TBC1D5: variants seen among roughly 807,000 people sequenced by gnomAD.
TBC1D5 encodes the protein TBC1 domain family, member 5.
TBC1D5 carries 75 observed loss-of-function variants against 100.3 expected under a neutral mutation model. The ratio of observed to expected loss-of-function variants is 0.75; its 90% CI spans 0.62 to 0.91. The LOEUF (loss-of-function observed/expected upper bound fraction) is 0.91, where lower values mean the gene tolerates loss of function less well. Ranked by LOEUF, TBC1D5 falls within the 40% of genes least tolerant of loss-of-function variation. TBC1D5 has a pLI of 0.00. For synonymous variants in TBC1D5, 323 were observed against 325.6 expected (o/e 0.99, Z 0.09); for missense variants, 910 against 942.4 (o/e 0.97, Z 0.45).
At chr3:17,277,469 C>T (rs1160307649) in intron 15 of TBC1D5, among the ~76,000 whole-genome samples, 1 of 152,136 alleles carries the variant, frequency 6.6e-6, no homozygotes, top group East Asian at 1.9e-4. Flanking sequence ...CCCCATCAAT[C>T]TCGTTGGGCT....
chr3:17,523,583 C>A (rs1348157912), intron 2 of TBC1D5, among the ~76,000 whole-genome samples: 1 of 151,978 alleles, frequency 6.6e-6, no homozygotes, highest in East Asian at 1.9e-4. Flanking sequence ...CTGAAGCCAG[C>A]AAAATGGACA....
chr3:17,352,330 G>T (rs964371955), intron 13 of TBC1D5, among the ~76,000 whole-genome samples: 3 of 151,558 alleles, frequency 2.0e-5, no homozygotes, highest in Admixed American at 1.3e-4. Flanking sequence ...TTTTTCCTAG[G>T]TTGCATACAT....
At chr3:17,255,578 A>G (rs1055251458) in intron 16 of TBC1D5, among the ~76,000 whole-genome samples, 1 of 152,060 alleles carries the variant, frequency 6.6e-6, no homozygotes, top group African/African-American at 2.4e-5. Context: ...CATCCACTAC[A>G]AATATTTTCC....
intron 1 of TBC1D5, among the ~76,000 whole-genome samples, chr3:17,732,796 T>C (rs1051349782): frequency 2.0e-5 from 3 of 151,994 alleles, no homozygotes; most frequent in Non-Finnish European, 2.9e-5. Flanking sequence ...TTATGAAGTA[T>C]CTGTCTCTCC....
At chr3:17,446,970 C>CAA (rs559803528) in intron 3 of TBC1D5, among the ~76,000 whole-genome samples, 8 of 124,206 alleles carry the variant, frequency 6.4e-5, no homozygotes, top group East Asian at 4.8e-4. Context: ...GACTCCAACT[C>CAA]AAAAAAAAAA....
intron 3 of TBC1D5, among the ~76,000 whole-genome samples, chr3:17,498,214 TC>T (rs1450922315): frequency 6.6e-6 from 1 of 152,052 alleles, no homozygotes; most frequent in African/African-American, 2.4e-5. Context: ...TGAGATTCCT[TC>T]TTAGGAAATT....
At chr3:17,288,494 A>G (rs2081387645) in intron 15 of TBC1D5, among the ~76,000 whole-genome samples, 1 of 151,806 alleles carries the variant, frequency 6.6e-6, no homozygotes, top group Non-Finnish European at 1.5e-5. Context: ...CCCACCCTTC[A>G]CCTATTTTAC....
At chr3:17,190,568 T>C (rs1401241923) in intron 18 of TBC1D5, among the ~76,000 whole-genome samples, 1 of 152,186 alleles carries the variant, frequency 6.6e-6, no homozygotes, top group Non-Finnish European at 1.5e-5. Flanking sequence ...TCCTCTTCTG[T>C]TCATCCCTGT....
At chr3:17,339,818 T>C (rs1483813456) in intron 13 of TBC1D5, among the ~76,000 whole-genome samples, 2 of 152,170 alleles carry the variant, frequency 1.3e-5, no homozygotes, top group Non-Finnish European at 2.9e-5. Context: ...AAAAGAGAAG[T>C]AAAGACATTG....
chr3:17,376,590 A>G (rs770227813), exon 10 of TBC1D5: 10 of 1,612,944 alleles, frequency 6.2e-6, no homozygotes, highest in Non-Finnish European at 7.6e-6. Flanking sequence ...CAAAGACTAT[A>G]GGTGCTAACA....
intron 2 of TBC1D5, among the ~76,000 whole-genome samples, chr3:17,619,101 A>G (rs985908379): frequency 6.6e-6 from 1 of 152,260 alleles, no homozygotes; most frequent in Non-Finnish European, 1.5e-5. Context: ...AGGAATAAAC[A>G]GAAATGTTCA....
chr3:17,178,587 A>G (rs906031491), intron 19 of TBC1D5, among the ~76,000 whole-genome samples: 16 of 152,308 alleles, frequency 1.1e-4, no homozygotes, highest in Admixed American at 2.0e-4. Context: ...AGGAACCTCC[A>G]AACTGTTCTC....
intron 2 of TBC1D5, among the ~76,000 whole-genome samples, chr3:17,577,901 C>CA (rs751957260): frequency 6.6e-6 from 1 of 151,510 alleles, no homozygotes; most frequent in East Asian, 1.9e-4. Context: ...TCCCATTGTT[C>CA]AAAAAAAGGA....
chr3:17,494,914 G>A (rs1360011953), intron 3 of TBC1D5, among the ~76,000 whole-genome samples: 1 of 152,162 alleles, frequency 6.6e-6, no homozygotes, highest in African/African-American at 2.4e-5. Context: ...GGCTCATGAG[G>A]GGATACCCTG....
At chr3:17,597,824 A>G (rs1418694939) in intron 2 of TBC1D5, among the ~76,000 whole-genome samples, 2 of 152,206 alleles carry the variant, frequency 1.3e-5, no homozygotes, top group Non-Finnish European at 1.5e-5. Flanking sequence ...ACAAAAACTA[A>G]TGCATGTATA....
intron 1 of TBC1D5, among the ~76,000 whole-genome samples, chr3:17,658,599 G>A (rs2066335136): frequency 6.6e-6 from 1 of 152,144 alleles, no homozygotes; most frequent in African/African-American, 2.4e-5. Context: ...AAATCACGTG[G>A]CAAGAAAGTA....
At chr3:17,311,219 T>C (rs572783306) in intron 13 of TBC1D5, among the ~76,000 whole-genome samples, 1 of 152,178 alleles carries the variant, frequency 6.6e-6, no homozygotes, top group East Asian at 1.9e-4. Context: ...CCTTTTCCCC[T>C]TAAAGATAAC....
intron 13 of TBC1D5, among the ~76,000 whole-genome samples, chr3:17,358,283 C>T (rs2151831054): frequency 6.6e-6 from 1 of 152,230 alleles, no homozygotes; most frequent in Admixed American, 6.5e-5. Flanking sequence ...CTCCTGGGTT[C>T]AAGTGATTCT....
chr3:17,228,984 T>C (rs1559452098), intron 17 of TBC1D5, among the ~76,000 whole-genome samples: 1 of 152,102 alleles, frequency 6.6e-6, no homozygotes, highest in East Asian at 1.9e-4. Flanking sequence ...AATATTTTCA[T>C]GGATTTTCTA....
Sources: gnomAD v4.1 joint callset for allele counts (sites outside exome capture counted in the v4.1 genomes callset) on GRCh38, gnomAD v4.1.1 for gene constraint, MANE v1.5 for transcripts, NCBI Gene and HGNC (gene_info 2026-07-23, HGNC 2026-07-21) for gene names.